The following BEAN1 variants were observed in gnomAD, a reference collection of about 807,000 sequenced individuals.
The protein encoded by BEAN1 is protein BEAN1.
In BEAN1, 17 loss-of-function variants were observed where a neutral mutation model predicts 17.7. The observed-to-expected ratio is 0.96, with a 90% CI of 0.66 to 1.44. The LOEUF is 1.44. Ranked by LOEUF, BEAN1 falls within the 40% of genes most tolerant of loss-of-function variation. The probability of loss-of-function intolerance (pLI) is 0.00; values close to 1 mark genes in which losing one functional copy is unlikely to be tolerated. For missense variants in BEAN1, 359 were observed against 374.1 expected (o/e 0.96, Z 0.33); for synonymous variants, 142 against 151.8 (o/e 0.94, Z 0.47).
At chr16:66,443,085 C>T (rs1169425025) in intron 2 of BEAN1, among the ~76,000 whole-genome samples, 3 of 152,226 alleles carry the variant, frequency 2.0e-5, no homozygotes, top group Non-Finnish European at 4.4e-5. Flanking sequence ...CTCTTTCCCA[C>T]TGAGCTGGAA....
At chr16:66,452,791 T>C (rs1962722825) in intron 2 of BEAN1, among the ~76,000 whole-genome samples, 1 of 145,154 alleles carries the variant, frequency 6.9e-6, no homozygotes, top group South Asian at 2.3e-4. Context: ...CAGACTCACT[T>C]ACCCCAATGC....
chr16:66,441,043 C>A (rs1307523317), intron 2 of BEAN1, among the ~76,000 whole-genome samples: 1 of 152,154 alleles, frequency 6.6e-6, no homozygotes, highest in Non-Finnish European at 1.5e-5. Context: ...AGAAATTGCT[C>A]ATTCATTAAG....
At chr16:66,449,938 A>G (rs1356270257) in intron 2 of BEAN1, among the ~76,000 whole-genome samples, 1 of 152,254 alleles carries the variant, frequency 6.6e-6, no homozygotes, top group Non-Finnish European at 1.5e-5. Flanking sequence ...TCAAATTCCC[A>G]GACATTATGT....
At chr16:66,476,142 G>T (rs1223200229) in intron 3 of BEAN1, 2 of 151,402 alleles carry the variant, frequency 1.3e-5, no homozygotes, top group Non-Finnish European at 2.9e-5. Flanking sequence ...AAGAAAAAAA[G>T]AAAAAGAAAT....
intron 2 of BEAN1, among the ~76,000 whole-genome samples, chr16:66,441,204 CA>C: frequency 6.6e-6 from 1 of 152,288 alleles, no homozygotes; most frequent in African/African-American, 2.4e-5. Flanking sequence ...AGCAACTGAA[CA>C]AGCGAATGAG....
At chr16:66,436,105 A>G (rs187933519) in intron 1 of BEAN1, among the ~76,000 whole-genome samples, 37 of 152,184 alleles carry the variant, frequency 2.4e-4, no homozygotes, top group Non-Finnish European at 4.4e-4. Context: ...CTGCTCACCA[A>G]TGCCCACAGG....
chr16:66,466,174 G>A (rs746228932), intron 2 of BEAN1, among the ~76,000 whole-genome samples: 1 of 152,136 alleles, frequency 6.6e-6, no homozygotes, highest in Non-Finnish European at 1.5e-5. Flanking sequence ...TCACACCTAT[G>A]GTCCCAATTA....
exon 5 of BEAN1, chr16:66,493,119 A>G (rs1377378976): frequency 1.4e-6 from 1 of 702,862 alleles, no homozygotes; most frequent in African/African-American, 1.7e-5. Flanking sequence ...ATGGTGTTCA[A>G]GATCTTCCTG....
At chr16:66,483,194 C>T (rs916629379), downstream of BEAN1, 18 of 223,870 alleles carry the variant, frequency 8.0e-5, no homozygotes, top group Admixed American at 6.9e-4. Context: ...AATACACCTC[C>T]GGCTAGCAAT....
At position 66,437,583 on chromosome 16, in the gene BEAN1, G is replaced by T; in HGVS notation, c.-82-12G>T. ...TGGGCCCCCCAACACCTGCCTGTTTGTGTCTCCGCAGGTGAGTGGAGGGGC... is the reference window on the plus strand; with the variant it reads ...TGGGCCCCCCAACACCTGCCTGTTTTTGTCTCCGCAGGTGAGTGGAGGGGC... On this transcript the variant is annotated splice_polypyrimidine_tract_variant and intron_variant, in intron 1 of 4. Coordinates refer to ENST00000536005, the MANE Select transcript of BEAN1 (RefSeq NM_001178020.3). 5 of 1,406,720 alleles carry T rather than the reference G, an allele frequency of 3.6e-6. No individual in the cohort carries two copies. Among genetic ancestry groups the T allele is most frequent in the Non-Finnish European group, 4.8e-6 (5 of 1,041,920 alleles). The allele number at this position is 1,406,720 out of a possible 1,614,324, so 87.1% of individuals were successfully genotyped here.
intron 3 of BEAN1, among the ~76,000 whole-genome samples, chr16:66,470,346 GTGGATGGGTGGAGAGA>G (rs1963438050): frequency 6.6e-6 from 1 of 152,020 alleles, no homozygotes; most frequent in African/African-American, 2.4e-5. Flanking sequence ...GGAAGAGTCA[GTGGATGGGTGGAGAGA>G]TGGATGGGTG....
At chr16:66,469,569 C>T in intron 2 of BEAN1, 33 bp from the exon 3 acceptor site, 4 of 1,520,954 alleles carry the variant, frequency 2.6e-6, no homozygotes, top group Non-Finnish European at 3.5e-6. Flanking sequence ...CAGGCCTGGG[C>T]TCCAGCTCAG....
intron 2 of BEAN1, among the ~76,000 whole-genome samples, chr16:66,461,643 C>T (rs1963091546): frequency 6.6e-6 from 1 of 151,412 alleles, no homozygotes; most frequent in African/African-American, 2.4e-5. Context: ...TCTAGGTTTG[C>T]AATCTAAGCA....
At chr16:66,445,563 A>C (rs1251676357) in intron 2 of BEAN1, among the ~76,000 whole-genome samples, 1 of 150,400 alleles carries the variant, frequency 6.6e-6, no homozygotes, top group African/African-American at 2.5e-5. Flanking sequence ...AGAAGGTAAC[A>C]CTGGAACAGA....
downstream of BEAN1, chr16:66,484,252 C>T (rs1964053993): frequency 3.4e-6 from 1 of 292,226 alleles, no homozygotes; most frequent in African/African-American, 2.2e-5. This position sits in a 1 kb window ranked among gnomAD's most constrained non-coding sequence, Gnocchi z 4.2. Context: ...CTCTGGGGCT[C>T]CACCTCCTGG....
downstream of BEAN1, among the ~76,000 whole-genome samples, chr16:66,486,811 G>A (rs1330359234): frequency 6.6e-6 from 1 of 152,202 alleles, no homozygotes; most frequent in African/African-American, 2.4e-5. Context: ...CAGTCTGAGC[G>A]ATGACCCCAA....
chr16:66,450,737 AAAAG>A (rs891716513), intron 2 of BEAN1, among the ~76,000 whole-genome samples: 6 of 152,300 alleles, frequency 3.9e-5, no homozygotes, highest in East Asian at 1.9e-4. Flanking sequence ...CAAAAATCAA[AAAAG>A]AAAGAAAGAA....
intron 4 of BEAN1, chr16:66,492,902 C>G: frequency 1.5e-6 from 1 of 653,628 alleles, no homozygotes; most frequent in Non-Finnish European, 2.8e-6. Flanking sequence ...TGGCCTGGCC[C>G]CTCTCAGCCA....
At chr16:66,491,096 T>C (rs1265999272) in intron 4 of BEAN1, among the ~76,000 whole-genome samples, 1 of 152,200 alleles carries the variant, frequency 6.6e-6, no homozygotes, top group Non-Finnish European at 1.5e-5. Flanking sequence ...GAGACCCTCC[T>C]GGGCAACATC....
Sources: allele counts gnomAD v4.1 joint callset (sites outside exome capture counted in the v4.1 genomes callset), GRCh38; gene constraint gnomAD v4.1.1; non-coding constraint Gnocchi (gnomAD v3.1); transcripts MANE v1.5; gene names NCBI Gene and HGNC (gene_info 2026-07-23, HGNC 2026-07-21).